Variants in MEF2C observed in about 807,000 individuals in gnomAD.
MEF2C encodes myocyte enhancer factor 2C.
In MEF2C, 6 loss-of-function variants were observed where a neutral mutation model predicts 50.5. The ratio of observed to expected loss-of-function variants is 0.12; its 90% CI spans 0.07 to 0.23. The LOEUF (loss-of-function observed/expected upper bound fraction) is 0.23, where lower values mean the gene tolerates loss of function less well. MEF2C is among the 10% of genes least tolerant of loss of function. MEF2C has a pLI of 1.00. For synonymous variants in MEF2C, 183 were observed against 228.0 expected (o/e 0.80, Z 1.78); for missense variants, 276 against 605.0 (o/e 0.46, Z 5.70).
At chr5:88,798,030 G>A (rs1057167005) in intron 3 of MEF2C, among the ~76,000 whole-genome samples, 1 of 152,170 alleles carries the variant, frequency 6.6e-6, no homozygotes, top group Non-Finnish European at 1.5e-5. Flanking sequence ...AGACTGATGG[G>A]CTTCCCTTTG....
intron 1 of MEF2C, among the ~76,000 whole-genome samples, chr5:88,830,278 T>A (rs1812529317): frequency 6.6e-6 from 1 of 152,044 alleles, no homozygotes; most frequent in Non-Finnish European, 1.5e-5. Context: ...CTAGTCCTAC[T>A]TTAATATCTT....
chr5:88,761,269 G>C lies in MEF2C; in HGVS notation c.318C>G (p.Ser106=). 1 of 1,613,988 alleles carries C rather than the reference G, an allele frequency of 6.2e-7. No homozygotes were observed. The highest frequency in any genetic ancestry group is 8.5e-7 in the Non-Finnish European group (1 of 1,179,886). The change falls in exon 4 of 11, where the codon TCC becomes TCG. Residue 106 remains serine (S), a synonymous_variant. Transcript: ENST00000504921. Reference sequence around the variant, plus strand: ...CCTCAGACTCAGGGCTGTGACCTACGGAATCGTCCGCATCGGGGTCTGGGC... The same window carrying C: ...CCTCAGACTCAGGGCTGTGACCTACCGAATCGTCCGCATCGGGGTCTGGGC... ...CDSPDPDADD[S]VGHSPESEDK...
intron 3 of MEF2C, among the ~76,000 whole-genome samples, chr5:88,782,647 C>T (rs912326850): frequency 5.3e-5 from 8 of 152,118 alleles, no homozygotes; most frequent in Non-Finnish European, 1.0e-4. Flanking sequence ...AGCAACTTGT[C>T]CTATGAAATA....
intron 6 of MEF2C, chr5:88,743,458 T>C: frequency 7.1e-6 from 7 of 985,424 alleles, no homozygotes; most frequent in Non-Finnish European, 8.4e-6. Flanking sequence ...AAGCATTGTC[T>C]GACCTTTCCT....
At chr5:88,809,349 T>A (rs1158514356) in intron 2 of MEF2C, among the ~76,000 whole-genome samples, 5 of 152,120 alleles carry the variant, frequency 3.3e-5, no homozygotes, top group African/African-American at 4.8e-5. Flanking sequence ...AATATAAAAA[T>A]AATTTGGCCA....
upstream of MEF2C, among the ~76,000 whole-genome samples, chr5:88,884,002 G>A (rs565542049): frequency 9.2e-5 from 14 of 152,112 alleles, no homozygotes; most frequent in Non-Finnish European, 2.1e-4. Flanking sequence ...TTTACGGTGG[G>A]GTAATAGCAC....
intron 3 of MEF2C, among the ~76,000 whole-genome samples, chr5:88,798,755 G>A (rs1217664631): frequency 2.6e-5 from 4 of 152,054 alleles, no homozygotes; most frequent in African/African-American, 9.7e-5. Flanking sequence ...TTTTTGCACT[G>A]GTTTTTCCTC....
intron 1 of MEF2C, among the ~76,000 whole-genome samples, chr5:88,864,966 C>A (rs1186274467): frequency 2.0e-5 from 3 of 152,042 alleles, no homozygotes; most frequent in African/African-American, 7.2e-5. Flanking sequence ...CGGGGTTTCT[C>A]CAGGTTGGCC....
intron 4 of MEF2C, among the ~76,000 whole-genome samples, chr5:88,760,287 T>C (rs1341390655): frequency 1.3e-5 from 2 of 152,240 alleles, no homozygotes; most frequent in South Asian, 2.1e-4. Flanking sequence ...AGGCATATGA[T>C]TGACTGTTAG....
At chr5:88,851,343 T>C (rs942325361) in intron 1 of MEF2C, among the ~76,000 whole-genome samples, 3 of 152,080 alleles carry the variant, frequency 2.0e-5, no homozygotes, top group African/African-American at 4.8e-5. Flanking sequence ...AGTAGGCTAC[T>C]AGTAGTTAAG....
At chr5:88,784,274 C>T (rs1289507722) in intron 3 of MEF2C, among the ~76,000 whole-genome samples, 1 of 152,104 alleles carries the variant, frequency 6.6e-6, no homozygotes, top group Non-Finnish European at 1.5e-5. Flanking sequence ...GTAGTCAAAT[C>T]AATATCAGCT....
chr5:88,800,032 G>A (rs936315188), intron 3 of MEF2C, among the ~76,000 whole-genome samples: 3 of 152,138 alleles, frequency 2.0e-5, no homozygotes, highest in African/African-American at 7.2e-5. Context: ...ATTTCCTAGA[G>A]AGCAGCAAAG....
intron 3 of MEF2C, among the ~76,000 whole-genome samples, chr5:88,792,932 GTC>G (rs1309977813): frequency 1.3e-5 from 2 of 152,168 alleles, no homozygotes; most frequent in Non-Finnish European, 2.9e-5. Flanking sequence ...TTGATTATAT[GTC>G]TGTCTTTCCT....
chr5:88,772,954 A>G, intron 3 of MEF2C: 1 of 957,684 alleles, frequency 1.0e-6, no homozygotes, highest in Non-Finnish European at 1.2e-6. Flanking sequence ...GCCATTGACA[A>G]CTGTTAACAC....
At chr5:88,800,157 C>T (rs1797774477) in intron 3 of MEF2C, among the ~76,000 whole-genome samples, 1 of 152,076 alleles carries the variant, frequency 6.6e-6, no homozygotes, top group South Asian at 2.1e-4. Context: ...TCCTTCCTGG[C>T]TGGGTGCTAA....
chr5:88,800,170 G>A (rs1421559258), intron 3 of MEF2C, among the ~76,000 whole-genome samples: 1 of 152,086 alleles, frequency 6.6e-6, no homozygotes, highest in Non-Finnish European at 1.5e-5. Flanking sequence ...GGTGCTAAGT[G>A]ATACTCCCAT....
Position 88,759,211 on chromosome 5 carries a change from A to G in MEF2C, c.402+1974T>C, listed in dbSNP as rs7705876. On this transcript the variant is annotated intron_variant, in intron 4 of 10. Coordinates refer to ENST00000504921, the MANE Select transcript of MEF2C (RefSeq NM_002397.5). ...AAAATTGGCCCAAATGGCGTGGCGC[A>G]GTGGCTCACGCCTGTAATCCCAGCA... Among the ~76,000 whole-genome samples the G allele has an allele frequency of 1.9e-3, 288 of 152,058 alleles. 1 individual carries two copies. The highest frequency in any genetic ancestry group is 6.6e-3 in the African/African-American group (274 of 41,482).
intron 1 of MEF2C, among the ~76,000 whole-genome samples, chr5:88,861,419 C>T (rs1308911066): frequency 1.3e-5 from 2 of 152,176 alleles, no homozygotes; most frequent in East Asian, 1.9e-4. Context: ...AGAAACATAA[C>T]CACTGCAACA....
chr5:88,893,384 C>T (rs1834795448), intron 1 of MEF2C, among the ~76,000 whole-genome samples: 1 of 150,050 alleles, frequency 6.7e-6, no homozygotes, highest in African/African-American at 2.5e-5. Context: ...GATCTTGGCT[C>T]ACTGCAACCT....
Sources: allele counts gnomAD v4.1 joint callset (sites outside exome capture counted in the v4.1 genomes callset), GRCh38; gene constraint gnomAD v4.1.1; transcripts MANE v1.5; gene names NCBI Gene and HGNC (gene_info 2026-07-23, HGNC 2026-07-21).